ATP6V1E1: variants seen among roughly 807,000 people sequenced by gnomAD.
ATP6V1E1 encodes the protein V-type proton ATPase subunit E 1.
Under a neutral mutation model 35.2 loss-of-function variants are expected in ATP6V1E1, and 21 were observed. The observed-to-expected ratio is 0.60, with a 90% CI of 0.42 to 0.86. The LOEUF is 0.86. ATP6V1E1 is among the 40% of genes least tolerant of loss of function. The probability of loss-of-function intolerance (pLI) is 0.00; values close to 1 mark genes in which losing one functional copy is unlikely to be tolerated. For missense variants in ATP6V1E1, 183 were observed against 272.6 expected, an observed-to-expected ratio of 0.67 and a Z score of 2.32; for synonymous variants, 83 against 87.8, an observed-to-expected ratio of 0.95 and a Z score of 0.30.
intron 7 of ATP6V1E1, 180 bp downstream of exon 7, chr22:17,598,014 G>A: frequency 3.4e-6 from 2 of 585,256 alleles, no homozygotes; most frequent in Non-Finnish European, 6.0e-6. Context: ...CAGCCAACAA[G>A]GGAGAGCAAG....
At chr22:17,597,527 TAGA>T (rs200485932) in intron 7 of ATP6V1E1, among the ~76,000 whole-genome samples, 5,394 of 152,080 alleles carry the variant, frequency 0.035, 394 homozygotes, top group African/African-American at 0.12. Context: ...AACTATTACT[TAGA>T]AGAAGGGAGT....
At chr22:17,602,608 C>T (rs2146300329) in intron 4 of ATP6V1E1, among the ~76,000 whole-genome samples, 1 of 152,290 alleles carries the variant, frequency 6.6e-6, no homozygotes, top group South Asian at 2.1e-4. Flanking sequence ...ATCTCCTAAC[C>T]TCGTGATCCG....
intron 2 of ATP6V1E1, among the ~76,000 whole-genome samples, chr22:17,618,666 A>C (rs1345720847): frequency 7.1e-6 from 1 of 140,194 alleles, no homozygotes; most frequent in Non-Finnish European, 1.5e-5. Flanking sequence ...TGGGCGACAG[A>C]GCGAGACTCC....
chr22:17,607,841 G>A (rs2146304423), intron 4 of ATP6V1E1, among the ~76,000 whole-genome samples: 1 of 152,196 alleles, frequency 6.6e-6, no homozygotes, highest in Middle Eastern at 3.4e-3. Context: ...GGTCCCCCAG[G>A]TGATTTTTAT....
Position 17,624,776 on chromosome 22 carries a change from G to T in ATP6V1E1, c.33+3827C>A, listed in dbSNP as rs971701970. Among the ~76,000 whole-genome samples the T allele has an allele frequency of 1.3e-5, 2 of 151,406 alleles. 1 individual carries two copies. Among genetic ancestry groups the T allele is most frequent in the South Asian group, 4.2e-4 (2 of 4,790 alleles). ...GCAGAGGTTGCAGCAAGCTGAGATC[G>T]CGCCACTGCACTCCAGCCTAGGCGA... On this transcript the variant is annotated intron_variant, in intron 1 of 8. Transcript: ENST00000253413.
At chr22:17,619,649 G>T in intron 1 of ATP6V1E1, 123 bp from the exon 2 acceptor site, 1 of 783,026 alleles carries the variant, frequency 1.3e-6, no homozygotes, top group Non-Finnish European at 2.0e-6. Context: ...ACTCTGGGGG[G>T]CCAAGGAGGG....
chr22:17,594,950 AAAAG>A (rs2057723850), intron 7 of ATP6V1E1: 2 of 161,844 alleles, frequency 1.2e-5, no homozygotes, highest in African/African-American at 2.4e-5. Context: ...TTAGGGAGTG[AAAAG>A]AAAAAGTTGG....
Position 17,592,663 on chromosome 22 carries a change from C to T in ATP6V1E1, c.*11G>A, listed in dbSNP as rs781244437. 1.1e-5 allele frequency: 18 copies of T among 1,613,610 alleles called. No individual in the cohort carries two copies. Among genetic ancestry groups the T allele is most frequent in the Admixed American group, 1.7e-5 (1 of 59,992 alleles). Reference sequence around the variant, plus strand: ...CAGGAGAGCTGACGACGAGCTCCACCTCCTGAAGGCTTAGTCCAAAAACTT... The same window carrying T: ...CAGGAGAGCTGACGACGAGCTCCACTTCCTGAAGGCTTAGTCCAAAAACTT... On this transcript the variant is annotated 3_prime_UTR_variant, in exon 9 of 9. Coordinates refer to ENST00000253413, the MANE Select transcript of ATP6V1E1 (RefSeq NM_001696.4).
At chr22:17,599,958 A>T in intron 6 of ATP6V1E1, 69 bp downstream of exon 6, 1 of 1,107,716 alleles carries the variant, frequency 9.0e-7, no homozygotes, top group Non-Finnish European at 1.3e-6. Flanking sequence ...GAAGGAAAAG[A>T]AAGAGAGAGG....
At chr22:17,616,282 G>A (rs12162848) in intron 2 of ATP6V1E1, among the ~76,000 whole-genome samples, 52,704 of 151,830 alleles carry the variant, frequency 0.35, 9,438 homozygotes, top group African/African-American at 0.41. Flanking sequence ...CAGGAGGTGG[G>A]GGTTGTGGTG....
At chr22:17,624,617 A>C (rs1279669041) in intron 1 of ATP6V1E1, among the ~76,000 whole-genome samples, 1 of 151,512 alleles carries the variant, frequency 6.6e-6, no homozygotes, top group Non-Finnish European at 1.5e-5. Context: ...TCGGAGGTTC[A>C]AGACCAGCCT....
chr22:17,604,433 A>T (rs2057775277), intron 4 of ATP6V1E1, among the ~76,000 whole-genome samples: 2 of 152,038 alleles, frequency 1.3e-5, no homozygotes, highest in Admixed American at 1.3e-4. Flanking sequence ...AAAGCAGGAA[A>T]CCAAAACCTG....
intron 1 of ATP6V1E1, among the ~76,000 whole-genome samples, chr22:17,627,818 C>A (rs372740049): frequency 5.6e-3 from 587 of 104,692 alleles, no homozygotes; most frequent in South Asian, 7.4e-3. Context: ...GACTCCGTCT[C>A]AAAAAAAAAA....
intron 2 of ATP6V1E1, among the ~76,000 whole-genome samples, chr22:17,618,169 A>G (rs1263388517): frequency 6.6e-6 from 1 of 152,216 alleles, no homozygotes; most frequent in Non-Finnish European, 1.5e-5. Context: ...ATGAAACACT[A>G]CAACCTTCTC....
Position 17,612,531 on chromosome 22 carries a change from A to G in ATP6V1E1, c.276+281T>C, listed in dbSNP as rs550081368. 2.4e-5 allele frequency: 7 copies of G among 296,542 alleles called. No homozygotes were observed. In the East Asian group the frequency reaches 4.2e-4, roughly 18 times the overall value. The allele number at this position is 296,542 out of a possible 1,614,324, so 18.4% of individuals were successfully genotyped here. A position where few individuals can be genotyped will look rare whatever the true frequency, so the allele number is the denominator to read the frequency against. On this transcript the variant is annotated intron_variant, in intron 4 of 8. Coordinates refer to ENST00000253413, the MANE Select transcript of ATP6V1E1 (RefSeq NM_001696.4). Reference sequence around the variant, plus strand: ...TCATGGCCTCTGTATTAACCATCCTATGGTTCTGGTCTCACTGGTCCCTGT... The same window carrying G: ...TCATGGCCTCTGTATTAACCATCCTGTGGTTCTGGTCTCACTGGTCCCTGT...
chr22:17,613,200 G>A lies in ATP6V1E1; in HGVS notation c.209+11C>T. The A allele has an allele frequency of 6.2e-7, 1 of 1,604,460 alleles. No homozygotes were observed. Among genetic ancestry groups the A allele is most frequent in the Non-Finnish European group, 8.5e-7 (1 of 1,173,830 alleles). On this transcript the variant is annotated intron_variant, in intron 3 of 8. Coordinates refer to ENST00000253413, the MANE Select transcript of ATP6V1E1 (RefSeq NM_001696.4). ...CTTCTTAGCTTAATACTGCAACCAG[G>A]ATCTACTTACATTTTCTTCTGCTGC... is the stretch of plus-strand genomic sequence containing the variant.
At chr22:17,628,116 C>G (rs897802074) in intron 1 of ATP6V1E1, among the ~76,000 whole-genome samples, 1 of 151,884 alleles carries the variant, frequency 6.6e-6, no homozygotes, top group East Asian at 2.0e-4. Context: ...CAGGCGCGCG[C>G]CACCACGTCC....
At chr22:17,599,786 G>A (rs2057752875) in intron 6 of ATP6V1E1, among the ~76,000 whole-genome samples, 1 of 150,884 alleles carries the variant, frequency 6.6e-6, no homozygotes, top group East Asian at 2.0e-4. Context: ...CAGGCATGGT[G>A]GCACACGCTT....
intron 3 of ATP6V1E1, 44 bp from the exon 4 acceptor site, chr22:17,612,922 C>T: frequency 6.5e-7 from 1 of 1,547,920 alleles, no homozygotes; most frequent in Non-Finnish European, 8.8e-7. Context: ...CAACTTAAAA[C>T]TGTAGAGAAA....
Sources: allele counts gnomAD v4.1 joint callset (sites outside exome capture counted in the v4.1 genomes callset), GRCh38; gene constraint gnomAD v4.1.1; transcripts MANE v1.5; gene names NCBI Gene and HGNC (gene_info 2026-07-23, HGNC 2026-07-21).